KCTD15: variants seen among roughly 807,000 people sequenced by gnomAD.
KCTD15 encodes the protein potassium channel tetramerization domain containing 15.
A neutral mutation model predicts 27.2 loss-of-function variants in KCTD15; 11 were observed. The ratio of observed to expected loss-of-function variants is 0.41; its 90% confidence interval spans 0.25 to 0.67. The LOEUF is 0.67. KCTD15 is among the 30% of genes least tolerant of loss of function. KCTD15 has a pLI of 0.35. For synonymous variants in KCTD15, 163 were observed against 176.0 expected (o/e 0.93, Z 0.58); for missense variants, 350 against 409.3 (o/e 0.86, Z 1.25).
rs150422102 is a variant in KCTD15, at chr19:33,805,267, G to A, written c.243-1596G>A. On this transcript the variant is annotated intron_variant, in intron 4 of 6. Transcript: ENST00000683859. ...CCCTGCTAGGAGAGAAACCTGCACC[G>A]TGTTCCCAGAGACTCCATACCCGGG... Among the ~76,000 whole-genome samples the A allele has an allele frequency of 8.6e-3, 1,308 of 152,270 alleles. 16 individuals carry two copies. Among genetic ancestry groups the A allele is most frequent in the South Asian group, 0.019 (94 of 4,822 alleles).
intron 4 of KCTD15, among the ~76,000 whole-genome samples, chr19:33,802,248 G>A (rs1975582289): frequency 6.6e-6 from 1 of 152,214 alleles, no homozygotes; most frequent in Admixed American, 6.5e-5. Context: ...GGCTGCTGAA[G>A]GCTGAGCGTG....
Position 33,797,247 on chromosome 19 carries a change from GGTGTGTGTGTGT to G in KCTD15, c.-127+286_-127+297del, listed in dbSNP as rs751185346. On this transcript the variant is annotated intron_variant, in intron 1 of 6. Transcript: ENST00000683859. ...GCGGTCTCGGAGCTTCCTGCCGCGC[GGTGTGTGTGTGT>G]GTGTGTGTGTGTGTGTGTGTGTGTG... Among the ~76,000 whole-genome samples the G allele has an allele frequency of 8.1e-3, 976 of 120,770 alleles. 9 individuals carry two copies. The highest frequency in any genetic ancestry group is 0.021 in the African/African-American group (673 of 31,874). 79.2% of individuals were successfully genotyped at this position (120,770 alleles called of 152,430 possible).
chr19:33,807,533 C>T (rs928572473), intron 5 of KCTD15, among the ~76,000 whole-genome samples: 10 of 152,144 alleles, frequency 6.6e-5, no homozygotes, highest in African/African-American at 2.4e-4. Flanking sequence ...ACCAGCCTGG[C>T]CAAGATGGTG....
At position 33,801,157 on chromosome 19, in the gene KCTD15, C is replaced by T; in HGVS notation, c.67-10C>T. On this transcript the variant is annotated splice_polypyrimidine_tract_variant and intron_variant, in intron 3 of 6. Transcript: ENST00000683859. ...GAAACTCTTGTGTTCCGCTTTGTTT[C>T]CATCTCTAGGAGGGAGGAAACATGT... The T allele has an allele frequency of 2.5e-6, 4 of 1,580,996 alleles. No individual in the cohort carries two copies. The highest frequency in any genetic ancestry group is 3.4e-6 in the Non-Finnish European group (4 of 1,161,936).
chr19:33,809,660 C>T (rs1975825954), intron 5 of KCTD15, among the ~76,000 whole-genome samples: 1 of 152,136 alleles, frequency 6.6e-6, no homozygotes, highest in Non-Finnish European at 1.5e-5. Context: ...CATTTGATCC[C>T]AGGAATTCCA....
intron 4 of KCTD15, among the ~76,000 whole-genome samples, chr19:33,805,138 G>T (rs537487033): frequency 1.2e-4 from 18 of 152,236 alleles, no homozygotes; most frequent in African/African-American, 4.1e-4. Flanking sequence ...GCCTAGGCTG[G>T]TCTCGAACCC....
Position 33,812,881 on chromosome 19 carries a change from G to C in KCTD15, c.785G>C (p.Cys262Ser). 1 of 1,550,296 alleles carries C rather than the reference G, an allele frequency of 6.5e-7. No homozygotes were observed. Among genetic ancestry groups the C allele is most frequent in the African/African-American group, 1.4e-5 (1 of 73,146 alleles). ...DSSQFSEYVL[C>S]REERRPQPTP... ...TCCCAGTTCAGCGAGTATGTGCTTT[G>C]CCGGGAGGAGCGGCGGCCGCAGCCC... Residue 262 changes from cysteine to serine, a missense_variant, in exon 7 of 7, where the codon TGC becomes TCC. Physicochemically the swap from Cys to Ser is moderately radical, Grantham distance 112. Transcript: ENST00000683859.
chr19:33,808,772 A>G (rs1236678980), intron 5 of KCTD15, among the ~76,000 whole-genome samples: 1 of 152,108 alleles, frequency 6.6e-6, no homozygotes, highest in East Asian at 1.9e-4. Context: ...CCCCAGGCCA[A>G]GGGAGGCTGG....
At chr19:33,806,807 G>A in intron 4 of KCTD15, 56 bp from the exon 5 acceptor site, 2 of 1,587,792 alleles carry the variant, frequency 1.3e-6, no homozygotes, top group African/African-American at 1.3e-5. Flanking sequence ...GGTGTGGGAA[G>A]ACAGGCAGAC....
intron 5 of KCTD15, among the ~76,000 whole-genome samples, chr19:33,810,789 C>T (rs1975872971): frequency 6.6e-6 from 1 of 151,336 alleles, no homozygotes; most frequent in Non-Finnish European, 1.5e-5. Context: ...CTGACCCAGG[C>T]AGGCTTGGCT....
At chr19:33,797,627 C>G (rs1975382523) in intron 1 of KCTD15, among the ~76,000 whole-genome samples, 1 of 152,088 alleles carries the variant, frequency 6.6e-6, no homozygotes, top group Non-Finnish European at 1.5e-5. Context: ...CACCCCCTGA[C>G]CTGGACGCGC....
At chr19:33,797,373 G>A (rs1202056566) in intron 1 of KCTD15, 2 of 454,818 alleles carry the variant, frequency 4.4e-6, no homozygotes, top group Admixed American at 2.4e-5. Flanking sequence ...AGTTTCCGGG[G>A]TCAGAAACGG....
Position 33,813,080 on chromosome 19 carries a change from C to A in KCTD15, c.*132C>A, listed in dbSNP as rs117133644. ...GAGGGTCCAAAGCTGGCCCAGCGAG[C>A]ACCAGGGTCCCAGGTGTCATGGCAA... On this transcript the variant is annotated 3_prime_UTR_variant, in exon 7 of 7. Transcript: ENST00000683859. The A allele has an allele frequency of 0.013, 12,162 of 910,704 alleles. 98 individuals carry two copies. The highest frequency in any genetic ancestry group is 0.017 in the Non-Finnish European group (10,164 of 594,726). 56.4% of individuals were successfully genotyped at this position (910,704 alleles called of 1,614,324 possible). A position where few individuals can be genotyped will look rare whatever the true frequency, so the allele number is the denominator to read the frequency against.
chr19:33,805,349 T>C (rs1288044430), intron 4 of KCTD15, among the ~76,000 whole-genome samples: 1 of 152,166 alleles, frequency 6.6e-6, no homozygotes, highest in Non-Finnish European at 1.5e-5. Flanking sequence ...TAGGATGGTG[T>C]GGACGGGAGG....
chr19:33,805,685 TGTG>T lies in KCTD15; in HGVS notation c.243-1171_243-1169del, dbSNP rs2145464360. On this transcript the variant is annotated intron_variant, in intron 4 of 6. Transcript: ENST00000683859. The stretch of plus-strand genomic sequence containing the variant: ...GAGTGTGGCCCTGCCTGCTGAAGGA[TGTG>T]GTGGTGCTGCCCTTGGGGAAATGAT... Among the ~76,000 whole-genome samples, 3 of 152,288 alleles carry T rather than the reference TGTG, an allele frequency of 2.0e-5. No homozygotes were observed. The South Asian group carries it at 6.2e-4, about 32-fold the overall frequency.
At position 33,814,225 on chromosome 19, in the gene KCTD15, A is replaced by G. The variant is rs932744910; in HGVS notation, c.*1277A>G. On this transcript the variant is annotated 3_prime_UTR_variant, in exon 7 of 7. Transcript: ENST00000683859. ...ATTGCGTTCCCAGTCCATGCCATAA[A>G]TGATGCTCTCAAGCAAAAGACTGGA... 1.3e-5 allele frequency: 2 copies of G among 152,596 alleles called. No homozygotes were observed. Among genetic ancestry groups the G allele is most frequent in the African/African-American group, 4.8e-5 (2 of 41,424 alleles). 9.5% of individuals were successfully genotyped at this position (152,596 alleles called of 1,614,324 possible).
chr19:33,800,293 T>G, intron 2 of KCTD15, 135 bp from the exon 3 acceptor site: 3 of 666,978 alleles, frequency 4.5e-6, no homozygotes, highest in South Asian at 1.8e-5. Flanking sequence ...GGCGGTGGAG[T>G]CAATCAGGGA....
intron 2 of KCTD15, chr19:33,799,623 G>A (rs539868492): frequency 2.6e-5 from 4 of 152,404 alleles, no homozygotes; most frequent in Admixed American, 2.0e-4. Flanking sequence ...GAGTTACTGA[G>A]TGCCTCTGGG....
At chr19:33,811,169 A>G in intron 5 of KCTD15, 78 bp from the exon 6 acceptor site, 1 of 1,159,762 alleles carries the variant, frequency 8.6e-7, no homozygotes, top group Non-Finnish European at 1.2e-6. Context: ...TGGAACCGGC[A>G]GGCCGCCTCC....
Sources: gnomAD v4.1 joint callset for allele counts (sites outside exome capture counted in the v4.1 genomes callset) on GRCh38, gnomAD v4.1.1 for gene constraint, MANE v1.5 for transcripts, NCBI Gene and HGNC (gene_info 2026-07-23, HGNC 2026-07-21) for gene names.